The following CD164L2 variants were observed in gnomAD, a reference collection of about 807,000 sequenced individuals.
CD164L2 encodes the protein CD164 sialomucin-like 2 protein.
A neutral mutation model predicts 23.9 loss-of-function variants in CD164L2; 21 were observed. The ratio of observed to expected loss-of-function variants is 0.88; its 90% CI spans 0.62 to 1.27. The LOEUF (loss-of-function observed/expected upper bound fraction) is 1.27. Ranked by LOEUF, CD164L2 falls within the 50% of genes most tolerant of loss-of-function variation. The probability of loss-of-function intolerance (pLI) is 0.00; values close to 1 mark genes in which losing one functional copy is unlikely to be tolerated. For missense variants in CD164L2, 230 were observed against 224.8 expected, an observed-to-expected ratio of 1.02 and a Z score of -0.15; for synonymous variants, 92 against 90.2, an observed-to-expected ratio of 1.02 and a Z score of -0.11.
chr1:27,383,194 C>T lies in CD164L2; in HGVS notation c.46G>A (p.Gly16Ser), dbSNP rs1483554762. 9 of 1,547,996 alleles carry T rather than the reference C, an allele frequency of 5.8e-6. No individual in the cohort carries two copies. Among genetic ancestry groups the T allele is most frequent in the Non-Finnish European group, 7.8e-6 (9 of 1,146,844 alleles). ...PRALRTALCG[G>S]CCCLLLCAQL... The stretch of plus-strand genomic sequence containing the variant: ...GCACATAGGAGGAGGCAGCAACAGC[C>T]GCCACAGAGCGCAGTCCGCAAGGCG... Residue 16 changes from glycine to serine, a missense_variant, in exon 1 of 6, where the codon GGC (glycine) becomes AGC (serine). Transcript: ENST00000374030.
intron 4 of CD164L2, among the ~76,000 whole-genome samples, chr1:27,381,135 T>G (rs917073604): frequency 2.0e-5 from 3 of 152,098 alleles, no homozygotes; most frequent in Non-Finnish European, 4.4e-5. Context: ...CAGCTCCCGC[T>G]CAGGGAGCCC....
At chr1:27,379,673 C>A in intron 5 of CD164L2, 164 bp from the exon 6 acceptor site, 1 of 1,495,398 alleles carries the variant, frequency 6.7e-7, no homozygotes, top group South Asian at 1.3e-5. Context: ...AGGCACAGCT[C>A]CCCTTCTCAG....
rs2016292379 is a variant in CD164L2 at position 27,379,208 on chromosome 1, G to A, written c.*295C>T. 5.5e-6 allele frequency: 3 copies of A among 550,060 alleles called. No homozygotes were observed. Among genetic ancestry groups the A allele is most frequent in the South Asian group, 4.2e-5 (2 of 47,310 alleles). The allele number at this position is 550,060 out of a possible 1,614,324, so 34.1% of individuals were successfully genotyped here. On this transcript the variant is annotated 3_prime_UTR_variant, in exon 6 of 6. Coordinates refer to ENST00000374030, the MANE Select transcript of CD164L2 (RefSeq NM_001330448.1). Reference sequence around the variant, plus strand: ...CAGAGTTCCTTTATTTGGGGGCAGTGCCCAGGCCAGTTGGTGGAAAGAGGC... The same window carrying A: ...CAGAGTTCCTTTATTTGGGGGCAGTACCCAGGCCAGTTGGTGGAAAGAGGC...
At chr1:27,382,195 A>G (rs761213055) in intron 3 of CD164L2, 133 bp downstream of exon 3, 15 of 1,595,820 alleles carry the variant, frequency 9.4e-6, no homozygotes, top group Admixed American at 1.8e-5. Context: ...CAGTGAGCTA[A>G]AGGCAGAACT....
Position 27,379,414 on chromosome 1 carries a change from C to A in CD164L2, c.*89G>T. 1 of 972,250 alleles carries A rather than the reference C, an allele frequency of 1.0e-6. No homozygotes were observed. Among genetic ancestry groups the A allele is most frequent in the Non-Finnish European group, 1.6e-6 (1 of 633,280 alleles). 60.2% of individuals were successfully genotyped at this position (972,250 alleles called of 1,614,324 possible). A position where few individuals can be genotyped will look rare whatever the true frequency, so the allele number is the denominator to read the frequency against. On this transcript the variant is annotated 3_prime_UTR_variant, in exon 6 of 6. Transcript: ENST00000374030. ...AAACTGGCGGCCAGAGTTTTTCCCG[C>A]CCCCGCCCCCCGCTTACCCACAAGG... is the stretch of plus-strand genomic sequence containing the variant.
chr1:27,383,221 G>T lies in CD164L2; in HGVS notation c.19C>A (p.Arg7Ser), dbSNP rs943966709. Residue 7 changes from arginine to serine, a missense_variant, in exon 1 of 6, where the codon CGC becomes AGC. Coordinates refer to ENST00000374030, the MANE Select transcript of CD164L2 (RefSeq NM_001330448.1). ...CCACAGAGCGCAGTCCGCAAGGCGC[G>T]GGGTCCCGGAGCCTCCATGGGCTCG... Reference protein sequence around the residue: MEAPGPRALRTALCGGC... With the variant: MEAPGPSALRTALCGGC... 8 of 1,545,920 alleles carry T rather than the reference G, an allele frequency of 5.2e-6. No homozygotes were observed. The highest frequency in any genetic ancestry group is 6.1e-6 in the Non-Finnish European group (7 of 1,146,592).
Position 27,379,219 on chromosome 1 carries a change from T to C in CD164L2, c.*284A>G, listed in dbSNP as rs2016292789. On this transcript the variant is annotated 3_prime_UTR_variant, in exon 6 of 6. Coordinates refer to ENST00000374030, the MANE Select transcript of CD164L2 (RefSeq NM_001330448.1). ...TATTTGGGGGCAGTGCCCAGGCCAGTTGGTGGAAAGAGGCAGGCATACAAC... is the reference window on the plus strand; with the variant it reads ...TATTTGGGGGCAGTGCCCAGGCCAGCTGGTGGAAAGAGGCAGGCATACAAC... 1 of 557,110 alleles carries C rather than the reference T, an allele frequency of 1.8e-6. No individual in the cohort carries two copies. The highest frequency in any genetic ancestry group is 3.2e-6 in the Non-Finnish European group (1 of 309,242). The allele number at this position is 557,110 out of a possible 1,614,324, so 34.5% of individuals were successfully genotyped here. A position where few individuals can be genotyped will look rare whatever the true frequency, so the allele number is the denominator to read the frequency against.
intron 3 of CD164L2, 44 bp downstream of exon 3, chr1:27,382,283 TG>T (rs778403473): frequency 6.2e-7 from 1 of 1,614,130 alleles, no homozygotes; most frequent in South Asian, 1.1e-5. Flanking sequence ...AGGCTATGGC[TG>T]GGGAGACCCA....
chr1:27,379,645 C>T (rs907355101), intron 5 of CD164L2, 136 bp from the exon 6 acceptor site: 134 of 1,530,160 alleles, frequency 8.8e-5, no homozygotes, highest in Non-Finnish European at 9.7e-5. Context: ...ACAGCACACA[C>T]GGCACACAGA....
Position 27,383,297 on chromosome 1 carries a change from G to A in CD164L2, c.-58C>T. 8.7e-7 allele frequency: 1 copy of A among 1,150,658 alleles called. No individual in the cohort carries two copies. Among genetic ancestry groups the A allele is most frequent in the Non-Finnish European group, 1.2e-6 (1 of 804,410 alleles). The allele number at this position is 1,150,658 out of a possible 1,614,324, so 71.3% of individuals were successfully genotyped here. ...GGCCGGGATCGGTGGACAGCTGCCG[G>A]GCGCGTCCCTCCCAGACTGGGCTCG... is the stretch of plus-strand genomic sequence containing the variant. On this transcript the variant is annotated 5_prime_UTR_variant, in exon 1 of 6. Coordinates refer to ENST00000374030, the MANE Select transcript of CD164L2 (RefSeq NM_001330448.1).
intron 4 of CD164L2, among the ~76,000 whole-genome samples, 198 bp from the exon 5 acceptor site, chr1:27,380,393 G>C (rs995703051): frequency 3.9e-5 from 6 of 152,172 alleles, no homozygotes; most frequent in Non-Finnish European, 8.8e-5. Context: ...GGGAGGGTGG[G>C]GTGCTGTCCA....
At chr1:27,379,843 G>A in intron 5 of CD164L2, 1 of 1,476,290 alleles carries the variant, frequency 6.8e-7, no homozygotes, top group African/African-American at 1.4e-5. Context: ...ACTGGCCCAG[G>A]CTGAGTCCTG....
chr1:27,381,245 T>C (rs1020304715), intron 4 of CD164L2, among the ~76,000 whole-genome samples: 2 of 152,190 alleles, frequency 1.3e-5, no homozygotes, highest in Non-Finnish European at 2.9e-5. Flanking sequence ...CATCAATAAT[T>C]CAGCTTCTGA....
At chr1:27,381,486 G>A (rs893767434) in intron 4 of CD164L2, among the ~76,000 whole-genome samples, 2 of 152,162 alleles carry the variant, frequency 1.3e-5, no homozygotes, top group East Asian at 1.9e-4. Flanking sequence ...GACAAGTCCC[G>A]AGGGGTGACC....
At chr1:27,381,121 G>A (rs189152315) in intron 4 of CD164L2, among the ~76,000 whole-genome samples, 138 of 152,332 alleles carry the variant, frequency 9.1e-4, no homozygotes, top group African/African-American at 3.1e-3. Context: ...GCAAACAGTG[G>A]TCCCAGCTCC....
intron 5 of CD164L2, 92 bp downstream of exon 5, chr1:27,379,959 A>G: frequency 6.4e-7 from 1 of 1,554,666 alleles, no homozygotes; most frequent in Non-Finnish European, 8.7e-7. Flanking sequence ...GCCCATGGAG[A>G]AGACAGCACC....
intron 4 of CD164L2, among the ~76,000 whole-genome samples, chr1:27,381,300 C>T (rs528796765): frequency 6.6e-6 from 1 of 152,306 alleles, no homozygotes; most frequent in South Asian, 2.1e-4. Context: ...TTCAGCCATC[C>T]CTGCCAAGTC....
At position 27,380,101 on chromosome 1, in the gene CD164L2, A is replaced by G; in HGVS notation, c.468T>C (p.Ala156=). ...CCTTGAGGAAGTGCAGCACAAAGAA[A>G]GCCACCGCCTGTAGGCTCAACACCA... ...VVLVLSLQAV[A]FFVLHFLKAK... The change falls in exon 5 of 6, where the codon GCT becomes GCC. Residue 156 remains alanine, a synonymous_variant. Transcript: ENST00000374030. 1 of 1,614,028 alleles carries G rather than the reference A, an allele frequency of 6.2e-7. No individual in the cohort carries two copies. The highest frequency in any genetic ancestry group is 8.5e-7 in the Non-Finnish European group (1 of 1,179,928).
chr1:27,380,603 C>T (rs1435555818), intron 4 of CD164L2, among the ~76,000 whole-genome samples: 1 of 152,212 alleles, frequency 6.6e-6, no homozygotes, highest in African/African-American at 2.4e-5. Flanking sequence ...AGCCTTGGAC[C>T]TCAGGGTTCA....
Sources: gnomAD v4.1 joint callset for allele counts (sites outside exome capture counted in the v4.1 genomes callset) on GRCh38, gnomAD v4.1.1 for gene constraint, MANE v1.5 for transcripts, NCBI Gene and HGNC (gene_info 2026-07-23, HGNC 2026-07-21) for gene names.